Variants in CIT observed in about 807,000 individuals in gnomAD.
CIT encodes the protein citron Rho-interacting kinase.
Under a neutral mutation model 272.7 loss-of-function variants are expected in CIT, and 79 were observed. That is an observed-to-expected ratio of 0.29 (90% CI 0.24 to 0.35). CIT has a LOEUF of 0.35. Among genes scored for constraint, CIT ranks in the 10% least tolerant of loss-of-function variants. CIT has a pLI of 1.00. For synonymous variants in CIT, 948 were observed against 995.6 expected, an observed-to-expected ratio of 0.95 and a Z score of 0.90; for missense variants, 1,909 against 2,618.3, an observed-to-expected ratio of 0.73 and a Z score of 5.91.
At chr12:119,707,013 C>T (rs1357817571) in intron 40 of CIT, among the ~76,000 whole-genome samples, 2 of 151,986 alleles carry the variant, frequency 1.3e-5, no homozygotes, top group African/African-American at 4.8e-5. Context: ...TTTCAATATG[C>T]CAGAAGCTAC....
chr12:119,749,390 G>T (rs747692078), intron 23 of CIT, among the ~76,000 whole-genome samples: 1 of 152,202 alleles, frequency 6.6e-6, no homozygotes, highest in Non-Finnish European at 1.5e-5. Flanking sequence ...GAGAAAGTTG[G>T]AAAGTATGGC....
chr12:119,767,898 T>C (rs1236996633), intron 18 of CIT, among the ~76,000 whole-genome samples: 1 of 151,958 alleles, frequency 6.6e-6, no homozygotes, highest in Non-Finnish European at 1.5e-5. Context: ...ATTCTTTTAT[T>C]GTTAAGTTTC....
chr12:119,860,674 A>G (rs781737032), intron 3 of CIT, among the ~76,000 whole-genome samples: 2 of 152,172 alleles, frequency 1.3e-5, no homozygotes, highest in Non-Finnish European at 2.9e-5. Context: ...CTGCACAAGG[A>G]GACAGACCAC....
At chr12:119,864,015 A>G (rs1245413323) in intron 3 of CIT, among the ~76,000 whole-genome samples, 1 of 151,950 alleles carries the variant, frequency 6.6e-6, no homozygotes, top group African/African-American at 2.4e-5. Flanking sequence ...ATGAATTTCT[A>G]TTGTTTATAA....
intron 7 of CIT, among the ~76,000 whole-genome samples, chr12:119,827,806 G>A (rs1968292795): frequency 6.6e-6 from 1 of 152,204 alleles, no homozygotes; most frequent in Non-Finnish European, 1.5e-5. Flanking sequence ...ACTAGGTAAT[G>A]AAAATGCTAC....
chr12:119,762,026 A>G (rs552100535), intron 19 of CIT, among the ~76,000 whole-genome samples: 1 of 152,300 alleles, frequency 6.6e-6, no homozygotes, highest in African/African-American at 2.4e-5. Flanking sequence ...CACCAACAAC[A>G]TCAAGGAGGA....
rs190010593 is a variant in CIT at position 119,707,422 on chromosome 12, C to T, written c.5211+757G>A. Among the ~76,000 whole-genome samples, 48 of 152,230 alleles carry T rather than the reference C, an allele frequency of 3.2e-4. No individual in the cohort carries two copies. In the East Asian group the frequency reaches 7.9e-3, roughly 25 times the overall value. On this transcript the variant is annotated intron_variant, in intron 40 of 47. Coordinates refer to ENST00000392521, the MANE Select transcript of CIT (RefSeq NM_001206999.2). ...AATGGAGCTGCCAATGTTAACAAAA[C>T]GCTGACATTAGAGCAGGAGGAGGCC... is the stretch of plus-strand genomic sequence containing the variant.
intron 23 of CIT, 100 bp from the exon 24 acceptor site, chr12:119,742,564 G>A (rs919927429): frequency 3.1e-5 from 24 of 763,968 alleles, no homozygotes; most frequent in South Asian, 2.3e-4. Flanking sequence ...CTGGAAAGCC[G>A]AGAATGCGGC....
rs902538572 is a variant in CIT, at chr12:119,700,971, A to G, written c.5543-146T>C. The G allele has an allele frequency of 7.8e-5, 39 of 497,886 alleles. No homozygotes were observed. The Admixed American group carries it at 8.2e-4, about 10-fold the overall frequency. 30.8% of individuals were successfully genotyped at this position (497,886 alleles called of 1,614,324 possible). ...TGTGAAAACCAGAGGCCCTCTGCTG[A>G]GCCAGCTCTCAGCTTTATTAAAAAT... On this transcript the variant is annotated intron_variant, in intron 43 of 47. Coordinates refer to ENST00000392521, the MANE Select transcript of CIT (RefSeq NM_001206999.2).
intron 20 of CIT, among the ~76,000 whole-genome samples, chr12:119,759,662 A>G (rs1246258809): frequency 6.6e-6 from 1 of 151,934 alleles, no homozygotes; most frequent in Non-Finnish European, 1.5e-5. Context: ...AAAACAAAAC[A>G]ACAAAAAAAT....
intron 28 of CIT, among the ~76,000 whole-genome samples, chr12:119,726,041 A>G (rs1182900287): frequency 7.7e-6 from 1 of 129,128 alleles, no homozygotes; most frequent in African/African-American, 4.0e-5. Flanking sequence ...TGTGTTTAGT[A>G]TTAATTTTAT....
At chr12:119,862,833 A>AG (rs1566141827) in intron 3 of CIT, among the ~76,000 whole-genome samples, 1 of 136,036 alleles carries the variant, frequency 7.4e-6, no homozygotes, top group Non-Finnish European at 1.5e-5. Flanking sequence ...AAAAAAAAAA[A>AG]AAAAAAAGAA....
chr12:119,813,933 C>T (rs572161834), intron 9 of CIT, among the ~76,000 whole-genome samples: 5 of 151,980 alleles, frequency 3.3e-5, no homozygotes, highest in African/African-American at 4.8e-5. Flanking sequence ...TTTTTTCATG[C>T]GACTGGGGCT....
chr12:119,861,663 G>A (rs1241601445), intron 3 of CIT, among the ~76,000 whole-genome samples: 1 of 152,000 alleles, frequency 6.6e-6, no homozygotes, highest in Non-Finnish European at 1.5e-5. Flanking sequence ...CTGGACCCAA[G>A]AGCAAAAGCC....
At chr12:119,840,500 T>C (rs534988706) in intron 5 of CIT, among the ~76,000 whole-genome samples, 39 of 152,208 alleles carry the variant, frequency 2.6e-4, no homozygotes, top group East Asian at 1.9e-4. Context: ...AAAACAACTA[T>C]TTCAAAGGCA....
intron 19 of CIT, among the ~76,000 whole-genome samples, chr12:119,763,114 A>G (rs565943123): frequency 6.6e-6 from 1 of 152,320 alleles, no homozygotes; most frequent in South Asian, 2.1e-4. Context: ...CAACTGGCAG[A>G]AAGATAAACA....
In CIT at chr12:119,869,061, C is replaced by A. The variant is rs778717178; in HGVS notation, c.237G>T (p.Lys79Asn). Reference sequence around the variant, plus strand: ...CAAGAAAAAGTTCCCCAAACTTACACTTCCGGACAAAGTTGCTCACGTGCT... The same window carrying A: ...CAAGAAAAAGTTCCCCAAACTTACAATTCCGGACAAAGTTGCTCACGTGCT... ...KIKHVSNFVR[K>N]YSDTIAELQE... Residue 79 changes from lysine to asparagine, a missense_variant and splice_region_variant, in exon 3 of 48, where the codon AAG (lysine) becomes AAT (asparagine). Physicochemically the swap from Lys to Asn is moderately conservative, Grantham distance 94 (BLOSUM62 0). Transcript: ENST00000392521. 6.2e-7 allele frequency: 1 copy of A among 1,609,876 alleles called. No homozygotes were observed. Among genetic ancestry groups the A allele is most frequent in the Non-Finnish European group, 8.5e-7 (1 of 1,179,292 alleles).
In CIT at chr12:119,757,379, A is replaced by G; in HGVS notation, c.2698T>C (p.Leu900=). 1.9e-6 allele frequency: 3 copies of G among 1,613,450 alleles called. No individual in the cohort carries two copies. Among genetic ancestry groups the G allele is most frequent in the Non-Finnish European group, 2.5e-6 (3 of 1,179,898 alleles). ...TGACTCCTCGCTCTCACCTCCCGCA[A>G]TCTTGTCTCCAGTTCCAGCAGCCGA... is the stretch of plus-strand genomic sequence containing the variant. The part of the protein sequence containing the change: ...KNRLLELETR[L]REVSLEHEEQ... The change falls in exon 22 of 48, where the codon TTG becomes CTG. Residue 900 remains leucine, a synonymous_variant. Transcript: ENST00000392521.
At chr12:119,802,594 G>T (rs1025824887) in intron 10 of CIT, among the ~76,000 whole-genome samples, 1 of 152,032 alleles carries the variant, frequency 6.6e-6, no homozygotes, top group African/African-American at 2.4e-5. Flanking sequence ...TCACAGTAAC[G>T]GGGCTTTCTC....
Sources: gnomAD v4.1 joint callset for allele counts (sites outside exome capture counted in the v4.1 genomes callset) on GRCh38, gnomAD v4.1.1 for gene constraint, MANE v1.5 for transcripts, NCBI Gene and HGNC (gene_info 2026-07-23, HGNC 2026-07-21) for gene names.